JADE1: variants seen among roughly 807,000 people sequenced by gnomAD.
JADE1 encodes protein Jade-1.
JADE1 carries 14 observed loss-of-function variants against 81.8 expected under a neutral mutation model. The ratio of observed to expected loss-of-function variants is 0.17; its 90% confidence interval spans 0.11 to 0.27. The LOEUF is 0.27. Ranked by LOEUF, JADE1 falls within the 10% of genes least tolerant of loss-of-function variation. The probability of loss-of-function intolerance (pLI) is 1.00; values close to 1 mark genes in which losing one functional copy is unlikely to be tolerated. For missense variants in JADE1, 690 were observed against 1,047.9 expected (o/e 0.66, Z 4.71); for synonymous variants, 353 against 391.9 (o/e 0.90, Z 1.17).
intron 1 of JADE1, chr4:128,811,343 G>A (rs1219666573): frequency 6.6e-6 from 1 of 152,232 alleles, no homozygotes; most frequent in Non-Finnish European, 1.5e-5. Flanking sequence ...CCGCCAGTGG[G>A]GGTGCCTCAA....
chr4:128,829,447 G>A (rs1039256724), intron 1 of JADE1, among the ~76,000 whole-genome samples: 1 of 152,180 alleles, frequency 6.6e-6, no homozygotes, highest in African/African-American at 2.4e-5. Context: ...AACTGGGTGA[G>A]TTTCTCAGGA....
In JADE1 at chr4:128,846,349, C is replaced by A; in HGVS notation, c.139-26C>A. The A allele has an allele frequency of 6.2e-7, 1 of 1,610,582 alleles. No homozygotes were observed. The highest frequency in any genetic ancestry group is 8.5e-7 in the Non-Finnish European group (1 of 1,177,294). On this transcript the variant is annotated intron_variant, in intron 3 of 10. Coordinates refer to ENST00000226319, the MANE Select transcript of JADE1 (RefSeq NM_199320.4). This position sits in a 1 kb window ranked among gnomAD's most constrained non-coding sequence, Gnocchi z 4.0. ...GAATAAGAATGCAAATATCAAATGTCAGTGTCCCTTTCTCTTCCTTTCCAG... is the reference window on the plus strand; with the variant it reads ...GAATAAGAATGCAAATATCAAATGTAAGTGTCCCTTTCTCTTCCTTTCCAG...
intron 5 of JADE1, among the ~76,000 whole-genome samples, chr4:128,849,458 G>A (rs1467449229): frequency 6.6e-6 from 1 of 152,110 alleles, no homozygotes; most frequent in Non-Finnish European, 1.5e-5. Context: ...TGAAGTCCAG[G>A]GAAACGAAGT....
chr4:128,863,863 A>G, intron 9 of JADE1: 1 of 985,478 alleles, frequency 1.0e-6, no homozygotes, highest in East Asian at 1.1e-4. Flanking sequence ...GGAGGACAAG[A>G]AGTCTATTGT....
At chr4:128,826,206 G>A (rs1009553753) in intron 1 of JADE1, among the ~76,000 whole-genome samples, 2 of 152,274 alleles carry the variant, frequency 1.3e-5, no homozygotes, top group African/African-American at 4.8e-5. Context: ...AGGGTGAGCC[G>A]TGTCGACTGG....
At chr4:128,812,305 G>A (rs1726511732) in intron 1 of JADE1, among the ~76,000 whole-genome samples, 1 of 151,816 alleles carries the variant, frequency 6.6e-6, no homozygotes, top group East Asian at 2.0e-4. Context: ...TCGGGAGGAG[G>A]AGGAGGAGGA....
chr4:128,816,884 T>TC lies in JADE1; in HGVS notation c.-27+7007_-27+7008insC, dbSNP rs1491579819. 4.4e-3 allele frequency among the ~76,000 whole-genome samples: 612 copies of TC among 140,270 alleles called. 4 individuals are homozygous for TC. Among genetic ancestry groups the TC allele is most frequent in the African/African-American group, 0.014 (519 of 36,038 alleles). 92.0% of individuals were successfully genotyped at this position (140,270 alleles called of 152,430 possible). A position where few individuals can be genotyped will look rare whatever the true frequency, so the allele number is the denominator to read the frequency against. On this transcript the variant is annotated intron_variant, in intron 1 of 10. Transcript: ENST00000226319. ...GGAAGTAAACTACATTTTCTCTCTC[T>TC]TTTTTTTTTTTTGAGACAAGTTCTT...
intron 7 of JADE1, among the ~76,000 whole-genome samples, chr4:128,856,690 C>A (rs754734235): frequency 6.6e-6 from 1 of 152,060 alleles, no homozygotes; most frequent in Non-Finnish European, 1.5e-5. Flanking sequence ...TATTCAAATT[C>A]CAGCATGTTT....
intron 2 of JADE1, among the ~76,000 whole-genome samples, chr4:128,833,672 C>T (rs113593193): frequency 0.021 from 3,154 of 152,190 alleles, 49 homozygotes; most frequent in Non-Finnish European, 0.029. Flanking sequence ...TCCAGCCTGG[C>T]GACAGAGCGA....
intron 2 of JADE1, among the ~76,000 whole-genome samples, chr4:128,833,227 C>G (rs1010025074): frequency 1.3e-5 from 2 of 152,124 alleles, no homozygotes; most frequent in East Asian, 1.9e-4. Flanking sequence ...CTTGTTGTTT[C>G]ATAACCCTGC....
At chr4:128,835,439 G>A (rs1044850596) in intron 2 of JADE1, among the ~76,000 whole-genome samples, 3 of 152,118 alleles carry the variant, frequency 2.0e-5, no homozygotes, top group Non-Finnish European at 4.4e-5. Flanking sequence ...CTGGTTCACA[G>A]CCTCTGCCAC....
Position 128,846,461 on chromosome 4 carries a change from C to T in JADE1, c.225C>T (p.Pro75=). The T allele has an allele frequency of 6.2e-7, 1 of 1,614,196 alleles. No individual in the cohort carries two copies. Among genetic ancestry groups the T allele is most frequent in the Non-Finnish European group, 8.5e-7 (1 of 1,180,030 alleles). ...ATGAGTACTATGTGTTGGCAGATCCCTGGAGACAGGAATGGGAGAAAGGGG... is the reference window on the plus strand; with the variant it reads ...ATGAGTACTATGTGTTGGCAGATCCTTGGAGACAGGAATGGGAGAAAGGGG... The part of the protein sequence containing the change: ...NPDEYYVLAD[P]WRQEWEKGVQ... Residue 75 remains proline, a synonymous_variant, in exon 4 of 11, where the codon CCC becomes CCT. Transcript: ENST00000226319. This position sits in a 1 kb window ranked among gnomAD's most constrained non-coding sequence, Gnocchi z 4.0.
At chr4:128,863,615 G>T (rs1234963336) in intron 9 of JADE1, 2 of 985,314 alleles carry the variant, frequency 2.0e-6, no homozygotes, top group Non-Finnish European at 2.4e-6. Context: ...TCCGGCCCTG[G>T]AAGAGGCAGG....
Position 128,871,521 on chromosome 4 carries a change from G to A in JADE1, c.1788G>A (p.Lys596=), listed in dbSNP as rs1269886129. ...SLVHSLKKPH[K]RDPLQNSPGS... ...TTCATTCGCTGAAAAAGCCCCATAA[G>A]CGAGATCCTTTGCAGAATAGCCCTG... Residue 596 remains lysine, a synonymous_variant, in exon 11 of 11, where the codon AAG becomes AAA. Transcript: ENST00000226319. The surrounding 1 kb of genome is among the most constrained non-coding windows in gnomAD (Gnocchi z 4.1). 1.9e-6 allele frequency: 3 copies of A among 1,614,028 alleles called. No individual in the cohort carries two copies. In the African/African-American group the frequency reaches 4.0e-5, roughly 22 times the overall value.
chr4:128,844,304 G>A (rs998507731), intron 3 of JADE1, among the ~76,000 whole-genome samples: 16 of 152,294 alleles, frequency 1.1e-4, no homozygotes, highest in Non-Finnish European at 2.1e-4. Context: ...AGGGGGCCCA[G>A]CAGCACGGGT....
Position 128,872,454 on chromosome 4 carries a change from G to A in JADE1, c.*192G>A. 1 of 581,726 alleles carries A rather than the reference G, an allele frequency of 1.7e-6. No homozygotes were observed. The highest frequency in any genetic ancestry group is 3.0e-6 in the Non-Finnish European group (1 of 331,794). 36.0% of individuals were successfully genotyped at this position (581,726 alleles called of 1,614,324 possible). The stretch of plus-strand genomic sequence containing the variant: ...GAGAAGTTTGTGTTATTTGCAACTT[G>A]TTGAGGAAACAGAAGAGTAGATTGT... On this transcript the variant is annotated 3_prime_UTR_variant, in exon 11 of 11. Coordinates refer to ENST00000226319, the MANE Select transcript of JADE1 (RefSeq NM_199320.4).
At chr4:128,819,277 GTTT>G (rs66632357) in intron 1 of JADE1, among the ~76,000 whole-genome samples, 5 of 151,294 alleles carry the variant, frequency 3.3e-5, no homozygotes, top group Admixed American at 6.6e-5. Flanking sequence ...TGCAATGGTG[GTTT>G]TTTTTTTGGG....
At chr4:128,854,953 G>T (rs2125874578) in intron 6 of JADE1, among the ~76,000 whole-genome samples, 1 of 152,074 alleles carries the variant, frequency 6.6e-6, no homozygotes, top group African/African-American at 2.4e-5. Context: ...CTCCATTTCT[G>T]AAAGGCTGAA....
intron 6 of JADE1, among the ~76,000 whole-genome samples, chr4:128,854,173 G>T (rs1730602336): frequency 6.6e-6 from 1 of 151,746 alleles, no homozygotes; most frequent in African/African-American, 2.4e-5. Flanking sequence ...CTGATGTCAG[G>T]GCAGGCTTGT....
Sources: allele counts gnomAD v4.1 joint callset (sites outside exome capture counted in the v4.1 genomes callset), GRCh38; gene constraint gnomAD v4.1.1; non-coding constraint Gnocchi (gnomAD v3.1); transcripts MANE v1.5; gene names NCBI Gene and HGNC (gene_info 2026-07-23, HGNC 2026-07-21).